Variants in PDE7B observed in about 807,000 individuals in gnomAD.
PDE7B encodes the protein 3',5'-cyclic-AMP phosphodiesterase 7B.
A neutral mutation model predicts 56.2 loss-of-function variants in PDE7B; 29 were observed. The ratio of observed to expected loss-of-function variants is 0.52; its 90% CI spans 0.38 to 0.70. The LOEUF is 0.70. Among genes scored for constraint, PDE7B ranks in the 30% least tolerant of loss-of-function variants. The pLI, the probability that PDE7B is intolerant of heterozygous loss-of-function variation, is 0.00. For missense variants in PDE7B, 490 were observed against 565.0 expected, an observed-to-expected ratio of 0.87 and a Z score of 1.35; for synonymous variants, 197 against 196.9, an observed-to-expected ratio of 1.00 and a Z score of 0.00.
At chr6:135,935,337 A>G (rs1429026522) in intron 1 of PDE7B, among the ~76,000 whole-genome samples, 1 of 149,734 alleles carries the variant, frequency 6.7e-6, no homozygotes, top group Non-Finnish European at 1.5e-5. Flanking sequence ...CATCTGTAAT[A>G]GATTCACTGC....
chr6:135,873,913 A>G (rs1266411771), intron 1 of PDE7B, among the ~76,000 whole-genome samples: 1 of 152,204 alleles, frequency 6.6e-6, no homozygotes, highest in Non-Finnish European at 1.5e-5. Context: ...ATTGGGAACT[A>G]CTAAGCTAGA....
intron 1 of PDE7B, among the ~76,000 whole-genome samples, chr6:135,859,930 A>G (rs1775114039): frequency 6.6e-6 from 1 of 152,082 alleles, no homozygotes; most frequent in Non-Finnish European, 1.5e-5. Flanking sequence ...GCAGGAAAAA[A>G]AAATGAGGAT....
chr6:136,152,372 C>T lies in PDE7B; in HGVS notation c.478+1117C>T, dbSNP rs530966029. On this transcript the variant is annotated intron_variant, in intron 6 of 12. Transcript: ENST00000308191. The stretch of plus-strand genomic sequence containing the variant: ...ATAACTACCATTTATGTAGTGCCCA[C>T]TATGAGCAGAGTACTTTTGGCAAGT... Among the ~76,000 whole-genome samples, 9 of 152,304 alleles carry T rather than the reference C, an allele frequency of 5.9e-5. No individual in the cohort carries two copies. In the East Asian group the frequency reaches 1.5e-3, roughly 26 times the overall value.
At chr6:135,859,628 A>T (rs535089013) in intron 1 of PDE7B, among the ~76,000 whole-genome samples, 1 of 152,182 alleles carries the variant, frequency 6.6e-6, no homozygotes, top group Non-Finnish European at 1.5e-5. Context: ...ATTGAGAAAT[A>T]TTGTTCTCTT....
chr6:135,909,074 A>T (rs1776165992), intron 1 of PDE7B, among the ~76,000 whole-genome samples: 1 of 152,204 alleles, frequency 6.6e-6, no homozygotes, highest in African/African-American at 2.4e-5. Context: ...ATATTTGAGA[A>T]TTCAGTTATG....
At chr6:135,908,877 G>T (rs1289593182) in intron 1 of PDE7B, among the ~76,000 whole-genome samples, 1 of 152,188 alleles carries the variant, frequency 6.6e-6, no homozygotes, top group Non-Finnish European at 1.5e-5. Flanking sequence ...AAGTAGAAAA[G>T]TCTGTTATAG....
chr6:135,923,254 T>C (rs895541885), intron 1 of PDE7B, among the ~76,000 whole-genome samples: 1 of 152,208 alleles, frequency 6.6e-6, no homozygotes, highest in African/African-American at 2.4e-5. Flanking sequence ...GCCTACTGTG[T>C]GGCAAACTCT....
At chr6:135,896,649 G>GA (rs2128190982) in intron 1 of PDE7B, among the ~76,000 whole-genome samples, 2 of 152,184 alleles carry the variant, frequency 1.3e-5, no homozygotes, top group East Asian at 3.9e-4. Flanking sequence ...TGAAAAAAAG[G>GA]AGACGCAGAG....
At chr6:136,077,045 G>C (rs1583868245) in intron 2 of PDE7B, among the ~76,000 whole-genome samples, 1 of 151,740 alleles carries the variant, frequency 6.6e-6, no homozygotes, top group African/African-American at 2.4e-5. Context: ...CCCTGTGCCA[G>C]GGAGCCTGGA....
At chr6:136,005,033 T>C (rs1449030017) in intron 2 of PDE7B, among the ~76,000 whole-genome samples, 50 of 152,170 alleles carry the variant, frequency 3.3e-4, no homozygotes, top group Middle Eastern at 6.8e-3. Flanking sequence ...AGAACAGAGC[T>C]CTCAGAAATA....
intron 8 of PDE7B, chr6:136,156,023 G>A (rs1195615155): frequency 1.9e-6 from 1 of 534,772 alleles, no homozygotes; most frequent in Non-Finnish European, 3.6e-6. Flanking sequence ...TCTCTAAAGA[G>A]TAAATACTTG....
rs1291504248 is a variant in PDE7B at position 135,932,302 on chromosome 6, A to G, written c.22-15162A>G. On this transcript the variant is annotated intron_variant, in intron 1 of 12. Transcript: ENST00000308191. ...CTATACATTTTTAAATAACTTAAAG[A>G]GTGTAATTGGATTGTTTGCAACTCA... Among the ~76,000 whole-genome samples the G allele has an allele frequency of 3.3e-5, 5 of 152,266 alleles. No individual in the cohort carries two copies. In the East Asian group the frequency reaches 9.7e-4, roughly 30 times the overall value.
intron 9 of PDE7B, 105 bp downstream of exon 9, chr6:136,173,993 C>G (rs958602050): frequency 2.6e-6 from 2 of 771,418 alleles, no homozygotes; most frequent in South Asian, 3.0e-5. Flanking sequence ...GAGAGCCCCC[C>G]GGCTGTACTT....
intron 2 of PDE7B, among the ~76,000 whole-genome samples, chr6:135,974,417 C>T (rs1775148097): frequency 6.6e-6 from 1 of 151,944 alleles, no homozygotes; most frequent in African/African-American, 2.4e-5. Context: ...GTGTTATGTT[C>T]CCTGAAACAC....
chr6:136,042,550 G>C (rs934388126), intron 2 of PDE7B, among the ~76,000 whole-genome samples: 1 of 152,046 alleles, frequency 6.6e-6, no homozygotes, highest in African/African-American at 2.4e-5. Flanking sequence ...CACACAAATC[G>C]CTCAAAGAAA....
At chr6:136,016,403 C>T (rs1028377669) in intron 2 of PDE7B, among the ~76,000 whole-genome samples, 1 of 152,182 alleles carries the variant, frequency 6.6e-6, no homozygotes, top group Non-Finnish European at 1.5e-5. Flanking sequence ...AAGCCAGGTA[C>T]GTCTGAAGGA....
chr6:136,162,312 C>G (rs1043617231), intron 8 of PDE7B: 1 of 152,126 alleles, frequency 6.6e-6, no homozygotes, highest in Non-Finnish European at 1.5e-5. Context: ...GGGAAGCAAA[C>G]ACGTCCTTCT....
At chr6:135,877,056 A>G (rs917792077) in intron 1 of PDE7B, among the ~76,000 whole-genome samples, 1 of 149,340 alleles carries the variant, frequency 6.7e-6, no homozygotes, top group Non-Finnish European at 1.5e-5. Flanking sequence ...TCATTTCTAG[A>G]AGATACATTT....
chr6:136,088,985 T>C (rs1017553403), intron 2 of PDE7B, among the ~76,000 whole-genome samples: 2 of 151,208 alleles, frequency 1.3e-5, no homozygotes, highest in Non-Finnish European at 2.9e-5. Flanking sequence ...CCTGTATGCC[T>C]TTCCCCCGCC....
Sources: gnomAD v4.1 joint callset for allele counts (sites outside exome capture counted in the v4.1 genomes callset) on GRCh38, gnomAD v4.1.1 for gene constraint, MANE v1.5 for transcripts, NCBI Gene and HGNC (gene_info 2026-07-23, HGNC 2026-07-21) for gene names.